SRPK1: variants seen among roughly 807,000 people sequenced by gnomAD.
SRPK1 encodes the protein SRSF protein kinase 1.
A neutral mutation model predicts 89.5 loss-of-function variants in SRPK1; 52 were observed. The ratio of observed to expected loss-of-function variants is 0.58; its 90% confidence interval spans 0.46 to 0.73. The LOEUF (loss-of-function observed/expected upper bound fraction) is 0.73, where lower values mean the gene tolerates loss of function less well. Ranked by LOEUF, SRPK1 falls within the 30% of genes least tolerant of loss-of-function variation. The pLI, the probability that SRPK1 is intolerant of heterozygous loss-of-function variation, is 0.00. For synonymous variants in SRPK1, 255 were observed against 270.2 expected (o/e 0.94, Z 0.55); for missense variants, 603 against 780.6 (o/e 0.77, Z 2.71).
At chr6:35,899,248 AG>A (rs1481471072) in intron 2 of SRPK1, among the ~76,000 whole-genome samples, 3 of 152,192 alleles carry the variant, frequency 2.0e-5, no homozygotes, top group Non-Finnish European at 4.4e-5. Flanking sequence ...ATGGCCTACA[AG>A]ACCTTACGTG....
rs371918821 is a variant in SRPK1, at chr6:35,839,684, CT to C, written c.1691-1256del. On this transcript the variant is annotated intron_variant, in intron 14 of 15. Transcript: ENST00000373825. ...GGTGACAGAAGTTAAGAATATAAAA[CT>C]TTTTTTTTTTTTTGAGATGGAGTCT... 3.3e-3 allele frequency among the ~76,000 whole-genome samples: 447 copies of C among 136,490 alleles called. 6 individuals carry two copies. The highest frequency in any genetic ancestry group is 0.031 in the South Asian group (122 of 3,976). 89.5% of individuals were successfully genotyped at this position (136,490 alleles called of 152,430 possible).
In SRPK1 at chr6:35,903,438, G is replaced by C. The variant is rs1022742482; in HGVS notation, c.75-12425C>G. On this transcript the variant is annotated intron_variant, in intron 2 of 15. Coordinates refer to ENST00000373825, the MANE Select transcript of SRPK1 (RefSeq NM_003137.5). The stretch of plus-strand genomic sequence containing the variant: ...GAAGCACGAGAATCACTTGAACCCG[G>C]GAGACAGAGGTTGCAGTGAGCCGAG... Among the ~76,000 whole-genome samples the C allele has an allele frequency of 5.3e-5, 8 of 151,880 alleles. No homozygotes were observed. The East Asian group carries it at 1.5e-3, about 29-fold the overall frequency.
intron 13 of SRPK1, chr6:35,856,937 T>C (rs1055291971): frequency 1.9e-5 from 4 of 213,220 alleles, no homozygotes; most frequent in African/African-American, 6.9e-5. Context: ...AATAGATGAG[T>C]GCTAAAAATG....
chr6:35,863,409 A>T (rs1167743486), intron 12 of SRPK1, among the ~76,000 whole-genome samples: 1 of 151,190 alleles, frequency 6.6e-6, no homozygotes, highest in East Asian at 1.9e-4. Flanking sequence ...ACAAGCCATG[A>T]TGACACCACC....
intron 2 of SRPK1, among the ~76,000 whole-genome samples, chr6:35,901,907 A>T (rs78612935): frequency 0.012 from 1,840 of 152,254 alleles, 35 homozygotes; most frequent in African/African-American, 0.042. Context: ...CTTAAGCTGG[A>T]ACTAGGGTCT....
intron 6 of SRPK1, among the ~76,000 whole-genome samples, chr6:35,882,136 G>C (rs1255872480): frequency 2.1e-5 from 3 of 141,894 alleles, no homozygotes; most frequent in South Asian, 4.4e-4. Context: ...AGTAGTAGTA[G>C]TAGTAGTAGT....
chr6:35,918,411 G>A (rs1403728295), intron 2 of SRPK1, among the ~76,000 whole-genome samples: 1 of 151,976 alleles, frequency 6.6e-6, no homozygotes, highest in Non-Finnish European at 1.5e-5. Flanking sequence ...TGAGGCAAGA[G>A]AATTGCTTGA....
At chr6:35,873,847 G>A (rs1371034249) in intron 7 of SRPK1, among the ~76,000 whole-genome samples, 3 of 146,950 alleles carry the variant, frequency 2.0e-5, no homozygotes, top group Non-Finnish European at 3.0e-5. Flanking sequence ...TTTTTTTTGA[G>A]ACGGAGTCTC....
Position 35,870,461 on chromosome 6 carries a change from AT to A in SRPK1, c.810del (p.Lys270AsnfsTer2). On this transcript the variant is annotated frameshift_variant, in exon 10 of 16. Coordinates refer to ENST00000373825, the MANE Select transcript of SRPK1 (RefSeq NM_003137.5). LOFTEE classifies it high-confidence loss of function. ...GCCTGGCGCTTCTGCTTCTTCTTCA[AT>A]TTCTTCTTCTTATTCTTTGACATTT... ...ADKMSKNKKK[K>X]LKKKQKRQAE... 6.4e-7 allele frequency: 1 copy of A among 1,552,462 alleles called. No homozygotes were observed. The highest frequency in any genetic ancestry group is 8.7e-7 in the Non-Finnish European group (1 of 1,147,362).
chr6:35,870,015 A>G (rs1769996277), intron 10 of SRPK1, 114 bp from the exon 11 acceptor site: 1 of 1,199,400 alleles, frequency 8.3e-7, no homozygotes, highest in East Asian at 2.4e-5. Flanking sequence ...TGACATAAAA[A>G]CATGACTAAA....
chr6:35,918,436 G>A (rs547159595), intron 2 of SRPK1, among the ~76,000 whole-genome samples: 5 of 152,274 alleles, frequency 3.3e-5, no homozygotes, highest in African/African-American at 9.6e-5. Context: ...GGTAGGTGGA[G>A]GTTGCAGTGA....
chr6:35,868,996 C>A lies in SRPK1; in HGVS notation c.1512+14G>T, dbSNP rs769534890. The A allele has an allele frequency of 2.5e-6, 4 of 1,606,322 alleles. No individual in the cohort carries two copies. In the South Asian group the frequency reaches 4.4e-5, roughly 18 times the overall value. On this transcript the variant is annotated intron_variant, in intron 12 of 15. Transcript: ENST00000373825. ...CAGTCACTTCAAAACACCATTAAGG[C>A]AAGTTTAACTTACCACCCAACAAGC...
intron 13 of SRPK1, among the ~76,000 whole-genome samples, chr6:35,850,119 T>C (rs754239919): frequency 6.6e-6 from 1 of 152,084 alleles, no homozygotes. Flanking sequence ...AAAGGAAATT[T>C]AGTTTTAACT....
chr6:35,889,298 T>C (rs1004361974), intron 3 of SRPK1, among the ~76,000 whole-genome samples: 5 of 151,900 alleles, frequency 3.3e-5, no homozygotes, highest in African/African-American at 1.2e-4. Context: ...ATAATTCTGT[T>C]TATTTAGCAA....
At position 35,833,571 on chromosome 6, in the gene SRPK1, T is replaced by C. The variant is rs1027647484; in HGVS notation, c.*1733A>G. ...TACAATCTATTCTCTTGATTCTTGA[T>C]AGGTGCATAGAAAGCCTAACTTAAA... On this transcript the variant is annotated 3_prime_UTR_variant, in exon 16 of 16. Coordinates refer to ENST00000373825, the MANE Select transcript of SRPK1 (RefSeq NM_003137.5). 1.3e-5 allele frequency: 2 copies of C among 152,660 alleles called. No individual in the cohort carries two copies. The highest frequency in any genetic ancestry group is 2.9e-5 in the Non-Finnish European group (2 of 68,040). The allele number at this position is 152,660 out of a possible 1,614,324, so 9.5% of individuals were successfully genotyped here.
At chr6:35,865,355 A>T (rs1288256024) in intron 12 of SRPK1, among the ~76,000 whole-genome samples, 1 of 152,140 alleles carries the variant, frequency 6.6e-6, no homozygotes, top group East Asian at 1.9e-4. Context: ...AAAAAATTTT[A>T]AAACAATCAC....
intron 13 of SRPK1, among the ~76,000 whole-genome samples, chr6:35,855,547 G>A (rs897782890): frequency 6.6e-6 from 1 of 152,092 alleles, no homozygotes; most frequent in African/African-American, 2.4e-5. Context: ...ATATGTTTCT[G>A]TTTATTCATT....
chr6:35,905,016 C>CT, intron 2 of SRPK1: 1 of 435,114 alleles, frequency 2.3e-6, no homozygotes, highest in African/African-American at 2.1e-5. Context: ...TTAAGGGGGC[C>CT]TGGTGGTGTA....
chr6:35,868,113 C>T (rs180912243), intron 12 of SRPK1, among the ~76,000 whole-genome samples: 6 of 152,086 alleles, frequency 3.9e-5, no homozygotes, highest in African/African-American at 4.8e-5. Flanking sequence ...GCTGGTATTA[C>T]AGGCATGCGC....
Sources: gnomAD v4.1 joint callset for allele counts (sites outside exome capture counted in the v4.1 genomes callset) on GRCh38, gnomAD v4.1.1 for gene constraint, MANE v1.5 for transcripts, NCBI Gene and HGNC (gene_info 2026-07-23, HGNC 2026-07-21) for gene names.